Variants in SMIM14 observed in about 807,000 individuals in gnomAD.
SMIM14 encodes the protein small integral membrane protein 14, also known as chromosome 4 open reading frame 34.
Under a neutral mutation model 12.6 loss-of-function variants are expected in SMIM14, and 5 were observed. That is an observed-to-expected ratio of 0.40 (90% CI 0.21 to 0.83). The LOEUF is 0.83. Among genes scored for constraint, SMIM14 ranks in the 40% least tolerant of loss-of-function variants. SMIM14 has a pLI of 0.37. For synonymous variants in SMIM14, 30 were observed against 40.1 expected, an observed-to-expected ratio of 0.75 and a Z score of 0.95; for missense variants, 86 against 119.1, an observed-to-expected ratio of 0.72 and a Z score of 1.29.
At chr4:39,587,631 C>T (rs1458473596) in intron 2 of SMIM14, among the ~76,000 whole-genome samples, 6 of 151,076 alleles carry the variant, frequency 4.0e-5, no homozygotes, top group Admixed American at 3.9e-4. Context: ...TCTGGCCAGA[C>T]TCTGTGGCTC....
At position 39,627,942 on chromosome 4, in the gene SMIM14, G is replaced by A. The variant is rs531028677; in HGVS notation, c.-36+10797C>T. Among the ~76,000 whole-genome samples the A allele has an allele frequency of 3.3e-5, 5 of 152,164 alleles. No homozygotes were observed. The South Asian group carries it at 6.2e-4, about 19-fold the overall frequency. The stretch of plus-strand genomic sequence containing the variant: ...ACCATAAGTTTCATAATTTGAAAAC[G>A]TTTTCTAAAATTTCCACCCAAGAGG... On this transcript the variant is annotated intron_variant, in intron 1 of 4. Coordinates refer to ENST00000295958, the MANE Select transcript of SMIM14 (RefSeq NM_174921.3).
Position 39,638,729 on chromosome 4 carries a change from A to G in SMIM14, c.-36+10T>C. 1 of 985,108 alleles carries G rather than the reference A, an allele frequency of 1.0e-6. No homozygotes were observed. The highest frequency in any genetic ancestry group is 1.2e-6 in the Non-Finnish European group (1 of 829,894). The allele number at this position is 985,108 out of a possible 1,614,324, so 61.0% of individuals were successfully genotyped here. A position where few individuals can be genotyped will look rare whatever the true frequency, so the allele number is the denominator to read the frequency against. ...CAGCAAACGCTGGTGGGAGAGGGGG[A>G]GACACTCACCCGCCCAGACAACAAC... is the stretch of plus-strand genomic sequence containing the variant. On this transcript the variant is annotated intron_variant, in intron 1 of 4. Transcript: ENST00000295958.
intron 1 of SMIM14, among the ~76,000 whole-genome samples, chr4:39,631,492 A>C (rs538741681): frequency 2.0e-5 from 3 of 151,094 alleles, no homozygotes; most frequent in South Asian, 2.1e-4. Flanking sequence ...CTCCGTCTCT[A>C]CTAAAAATAC....
intron 2 of SMIM14, among the ~76,000 whole-genome samples, chr4:39,585,290 CTATTAT>C (rs151026017): frequency 2.0e-5 from 3 of 150,170 alleles, no homozygotes; most frequent in East Asian, 1.9e-4. Flanking sequence ...CATATTACTT[CTATTAT>C]TATTATTATT....
At chr4:39,567,553 A>G (rs1370365208) in intron 3 of SMIM14, among the ~76,000 whole-genome samples, 1 of 152,142 alleles carries the variant, frequency 6.6e-6, no homozygotes, top group Non-Finnish European at 1.5e-5. Context: ...CCTGGCCAAC[A>G]TGGCGAAACC....
chr4:39,557,368 C>T (rs1010546319), intron 3 of SMIM14, among the ~76,000 whole-genome samples: 1 of 152,100 alleles, frequency 6.6e-6, no homozygotes, highest in South Asian at 2.1e-4. Flanking sequence ...ACTATGTTGC[C>T]TGGACTAGTC....
Position 39,548,815 on chromosome 4 carries a change from G to C in SMIM14, c.*3311C>G, listed in dbSNP as rs1336069829. On this transcript the variant is annotated 3_prime_UTR_variant, in exon 5 of 5. Transcript: ENST00000295958. ...AAGAACACTGGTTACTAAGTAAATAGATGGCTCATGTAGGAAAAAGCTAAT... is the reference window on the plus strand; with the variant it reads ...AAGAACACTGGTTACTAAGTAAATACATGGCTCATGTAGGAAAAAGCTAAT... The C allele has an allele frequency of 1.3e-5, 2 of 152,178 alleles. No individual in the cohort carries two copies. Among genetic ancestry groups the C allele is most frequent in the African/African-American group, 4.8e-5 (2 of 41,456 alleles). The allele number at this position is 152,178 out of a possible 1,614,324, so 9.4% of individuals were successfully genotyped here.
At chr4:39,628,600 T>C (rs1169460477) in intron 1 of SMIM14, among the ~76,000 whole-genome samples, 2 of 151,512 alleles carry the variant, frequency 1.3e-5, no homozygotes, top group Non-Finnish European at 2.9e-5. Flanking sequence ...GAGAATCGCT[T>C]GAACCTGGTA....
At chr4:39,612,654 G>A (rs143130747) in intron 1 of SMIM14, among the ~76,000 whole-genome samples, 1,720 of 148,962 alleles carry the variant, frequency 0.012, 28 homozygotes, top group African/African-American at 0.04. Flanking sequence ...AGGCTGGAGT[G>A]CAGTGGCACA....
chr4:39,635,864 G>A lies in SMIM14; in HGVS notation c.-36+2875C>T, dbSNP rs548130618. Among the ~76,000 whole-genome samples the A allele has an allele frequency of 3.3e-5, 5 of 152,176 alleles. No individual in the cohort carries two copies. In the East Asian group the frequency reaches 9.6e-4, roughly 29 times the overall value. Reference sequence around the variant, plus strand: ...ACTGGACTAAATGGGCACACACCAAGACTCAATGCATATTAAGTGTGATGT... The same window carrying A: ...ACTGGACTAAATGGGCACACACCAAAACTCAATGCATATTAAGTGTGATGT... On this transcript the variant is annotated intron_variant, in intron 1 of 4. Transcript: ENST00000295958.
chr4:39,614,606 A>ATT (rs1715154608), intron 1 of SMIM14, among the ~76,000 whole-genome samples: 2 of 152,030 alleles, frequency 1.3e-5, no homozygotes, highest in Non-Finnish European at 2.9e-5. Flanking sequence ...ACAGGCGTAA[A>ATT]CCACTGCACC....
In SMIM14 at chr4:39,638,812, G is replaced by A. The variant is rs951124805; in HGVS notation, c.-109C>T. On this transcript the variant is annotated 5_prime_UTR_variant, in exon 1 of 5. Coordinates refer to ENST00000295958, the MANE Select transcript of SMIM14 (RefSeq NM_174921.3). Reference sequence around the variant, plus strand: ...AGGCTCGGCAGAAAGACCGCCTGGAGCTTCCAGAAGGCTGCGGCTGCTCCG... The same window carrying A: ...AGGCTCGGCAGAAAGACCGCCTGGAACTTCCAGAAGGCTGCGGCTGCTCCG... The A allele has an allele frequency of 3.6e-5, 35 of 985,788 alleles. No homozygotes were observed. The highest frequency in any genetic ancestry group is 4.0e-5 in the Non-Finnish European group (33 of 830,214). The allele number at this position is 985,788 out of a possible 1,614,324, so 61.1% of individuals were successfully genotyped here.
At chr4:39,613,299 TCA>T (rs1715101214) in intron 1 of SMIM14, among the ~76,000 whole-genome samples, 1 of 152,224 alleles carries the variant, frequency 6.6e-6, no homozygotes, top group African/African-American at 2.4e-5. Context: ...AAATTATACT[TCA>T]GTCTTAATTA....
intron 2 of SMIM14, chr4:39,594,595 C>A (rs1248031451): frequency 1.3e-4 from 19 of 148,468 alleles, no homozygotes; most frequent in African/African-American, 4.5e-4. Context: ...GCAAAAGAAA[C>A]TACCATCAGA....
Position 39,550,076 on chromosome 4 carries a change from G to T in SMIM14, c.*2050C>A, listed in dbSNP as rs900068231. ...AAAATACCTTATGAGTATCACAATT[G>T]TATCAGAGACTATTAAACAGTACAA... On this transcript the variant is annotated 3_prime_UTR_variant, in exon 5 of 5. Coordinates refer to ENST00000295958, the MANE Select transcript of SMIM14 (RefSeq NM_174921.3). 1 of 152,036 alleles carries T rather than the reference G, an allele frequency of 6.6e-6. No homozygotes were observed. Among genetic ancestry groups the T allele is most frequent in the South Asian group, 2.1e-4 (1 of 4,830 alleles). The allele number at this position is 152,036 out of a possible 1,614,324, so 9.4% of individuals were successfully genotyped here.
At chr4:39,552,691 A>G (rs1218419683) in intron 4 of SMIM14, among the ~76,000 whole-genome samples, 1 of 152,194 alleles carries the variant, frequency 6.6e-6, no homozygotes, top group Non-Finnish European at 1.5e-5. Context: ...GAGGAAAGAA[A>G]CTAGGTCTTT....
intron 2 of SMIM14, among the ~76,000 whole-genome samples, chr4:39,590,700 G>GC (rs1714027154): frequency 6.6e-6 from 1 of 151,948 alleles, no homozygotes; most frequent in Non-Finnish European, 1.5e-5. Context: ...TACTTGGGAG[G>GC]CTGAGGCAGG....
rs1421856243 is a variant in SMIM14, at chr4:39,550,184, CT to C, written c.*1941del. On this transcript the variant is annotated 3_prime_UTR_variant, in exon 5 of 5. Transcript: ENST00000295958. The stretch of plus-strand genomic sequence containing the variant: ...AGACTGACCTAAGGGGAAAAAAATC[CT>C]TACATTGATAGCAAAATATCTTCTA... The C allele has an allele frequency of 6.6e-6, 1 of 152,146 alleles. No individual in the cohort carries two copies. The highest frequency in any genetic ancestry group is 2.4e-5 in the African/African-American group (1 of 41,444). The allele number at this position is 152,146 out of a possible 1,614,324, so 9.4% of individuals were successfully genotyped here.
At chr4:39,589,080 A>C (rs1713927088) in intron 2 of SMIM14, among the ~76,000 whole-genome samples, 1 of 152,074 alleles carries the variant, frequency 6.6e-6, no homozygotes, top group African/African-American at 2.4e-5. Context: ...TTTAATACAG[A>C]AACAAATTTA....
Sources: gnomAD v4.1 joint callset for allele counts (sites outside exome capture counted in the v4.1 genomes callset) on GRCh38, gnomAD v4.1.1 for gene constraint, MANE v1.5 for transcripts, NCBI Gene and HGNC (gene_info 2026-07-23, HGNC 2026-07-21) for gene names.